The following PRRX1 variants were observed in gnomAD, a reference collection of about 807,000 sequenced individuals.
The protein encoded by PRRX1 is paired mesoderm homeobox protein 1.
Under a neutral mutation model 24.0 loss-of-function variants are expected in PRRX1, and 8 were observed. The ratio of observed to expected loss-of-function variants is 0.33; its 90% CI spans 0.20 to 0.60. The LOEUF is 0.60. PRRX1 is among the 20% of genes least tolerant of loss of function. The pLI, the probability that PRRX1 is intolerant of heterozygous loss-of-function variation, is 0.82. For synonymous variants in PRRX1, 160 were observed against 131.7 expected (o/e 1.22, Z -1.47); for missense variants, 281 against 322.4 (o/e 0.87, Z 0.98).
intron 1 of PRRX1, among the ~76,000 whole-genome samples, chr1:170,676,753 A>T (rs1653332345): frequency 1.3e-5 from 2 of 152,124 alleles, no homozygotes; most frequent in South Asian, 4.1e-4. Flanking sequence ...ATGATCTTTG[A>T]TGTCAACCAA....
intron 1 of PRRX1, among the ~76,000 whole-genome samples, chr1:170,678,974 G>T (rs180702625): frequency 8.0e-4 from 122 of 152,220 alleles, no homozygotes; most frequent in African/African-American, 2.8e-3. Flanking sequence ...AAATATCCCA[G>T]ATGATTTTTA....
chr1:170,667,636 T>C (rs529876358), intron 1 of PRRX1: 2 of 152,174 alleles, frequency 1.3e-5, no homozygotes, highest in East Asian at 1.9e-4. Flanking sequence ...CGGGAAAGGA[T>C]GGCTAGAGCA....
chr1:170,727,401 T>C (rs1157354126), intron 3 of PRRX1: 1 of 152,222 alleles, frequency 6.6e-6, no homozygotes, highest in African/African-American at 2.4e-5. Flanking sequence ...CCCTGGCTGA[T>C]TTCAGTGGAG....
intron 1 of PRRX1, among the ~76,000 whole-genome samples, chr1:170,716,809 T>A (rs2101915250): frequency 6.6e-6 from 1 of 152,312 alleles, no homozygotes; most frequent in African/African-American, 2.4e-5. Flanking sequence ...TCCCCTGTAT[T>A]CAACCAGAGC....
intron 2 of PRRX1, among the ~76,000 whole-genome samples, chr1:170,723,313 T>G (rs1168025786): frequency 6.6e-6 from 1 of 152,244 alleles, no homozygotes; most frequent in Non-Finnish European, 1.5e-5. Flanking sequence ...GCTGTACAAC[T>G]GCTCACTCCA....
In PRRX1 at chr1:170,664,451, A is replaced by G. The variant is rs970789095; in HGVS notation, c.233A>G (p.Gln78Arg). 6.2e-7 allele frequency: 1 copy of G among 1,602,256 alleles called. No individual in the cohort carries two copies. Among genetic ancestry groups the G allele is most frequent in the African/African-American group, 1.3e-5 (1 of 74,810 alleles). The change falls in exon 1 of 4, where the codon CAG becomes CGG. Residue 78 changes from glutamine to arginine, a missense_variant. By Grantham distance (43) the Gln-to-Arg change is conservative. Transcript: ENST00000239461. ...CTCACCAGCGGCAGCGACACCCCGCAGCAGGACAGTGAGTGAGGGGCGCAT... is the reference window on the plus strand; with the variant it reads ...CTCACCAGCGGCAGCGACACCCCGCGGCAGGACAGTGAGTGAGGGGCGCAT... ...PGLTSGSDTP[Q>R]QDNDQLNSEE...
intron 1 of PRRX1, among the ~76,000 whole-genome samples, chr1:170,682,007 G>A (rs1392572969): frequency 6.6e-6 from 1 of 152,114 alleles, no homozygotes; most frequent in African/African-American, 2.4e-5. Flanking sequence ...TTGTCCAAAT[G>A]CAATGTTTTA....
chr1:170,704,040 C>T (rs1200259514), intron 1 of PRRX1, among the ~76,000 whole-genome samples: 1 of 152,158 alleles, frequency 6.6e-6, no homozygotes, highest in African/African-American at 2.4e-5. Flanking sequence ...AACTTACCCA[C>T]TGACCATTTT....
chr1:170,720,761 A>C lies in PRRX1; in HGVS notation c.417+860A>C, dbSNP rs370424933. Reference sequence around the variant, plus strand: ...TTCCTTCAGTGTCTCTGTGAACTGAAAGAAGGTAAGAGCATGAAAGGCAGG... The same window carrying C: ...TTCCTTCAGTGTCTCTGTGAACTGACAGAAGGTAAGAGCATGAAAGGCAGG... On this transcript the variant is annotated intron_variant, in intron 2 of 3. Transcript: ENST00000239461. 1.5e-4 allele frequency among the ~76,000 whole-genome samples: 23 copies of C among 152,320 alleles called. No homozygotes were observed. The East Asian group carries it at 3.9e-3, about 26-fold the overall frequency.
At chr1:170,730,236 C>T (rs76156084) in intron 3 of PRRX1, 25,832 of 1,503,012 alleles carry the variant, frequency 0.017, 297 homozygotes, top group Non-Finnish European at 0.019. Context: ...ATCTGCTGAA[C>T]GCATTTGGCT....
intron 1 of PRRX1, among the ~76,000 whole-genome samples, chr1:170,705,254 C>T (rs1272596114): frequency 3.9e-5 from 6 of 152,164 alleles, no homozygotes; most frequent in Non-Finnish European, 1.5e-5. Flanking sequence ...ACCTTACATC[C>T]TCTGCCTTGG....
At chr1:170,665,803 C>A (rs1265487826) in intron 1 of PRRX1, among the ~76,000 whole-genome samples, 1 of 152,220 alleles carries the variant, frequency 6.6e-6, no homozygotes, top group Non-Finnish European at 1.5e-5. Flanking sequence ...CCTGGGCGCC[C>A]CTGGGTGTTT....
rs1652826626 is a variant in PRRX1, at chr1:170,664,173, G to A, written c.-46G>A. On this transcript the variant is annotated 5_prime_UTR_variant, in exon 1 of 4. Coordinates refer to ENST00000239461, the MANE Select transcript of PRRX1 (RefSeq NM_022716.4). Reference sequence around the variant, plus strand: ...CCTCGCGCCCACAGCGTTTGGTGTTGATTCGAGCGGGAAGAGGGGGGTGGG... The same window carrying A: ...CCTCGCGCCCACAGCGTTTGGTGTTAATTCGAGCGGGAAGAGGGGGGTGGG... 1 of 1,563,276 alleles carries A rather than the reference G, an allele frequency of 6.4e-7. No individual in the cohort carries two copies. The highest frequency in any genetic ancestry group is 1.2e-5 in the South Asian group (1 of 83,856).
intron 1 of PRRX1, among the ~76,000 whole-genome samples, chr1:170,672,972 G>T (rs917591653): frequency 6.6e-6 from 1 of 152,108 alleles, no homozygotes; most frequent in African/African-American, 2.4e-5. Flanking sequence ...AGGCCACAGA[G>T]GTCTCCTAAA....
At position 170,664,445 on chromosome 1, in the gene PRRX1, C is replaced by A. The variant is rs1372893101; in HGVS notation, c.227C>A (p.Thr76Asn). ...CCGGGACTCACCAGCGGCAGCGACA[C>A]CCCGCAGCAGGACAGTGAGTGAGGG... The part of the protein sequence containing the change: ...ESPGLTSGSD[T>N]PQQDNDQLNS... The change falls in exon 1 of 4, where the codon ACC becomes AAC. Residue 76 changes from threonine to asparagine, a missense_variant. By Grantham distance (65) the Thr-to-Asn change is moderately conservative. Transcript: ENST00000239461. 1 of 1,603,772 alleles carries A rather than the reference C, an allele frequency of 6.2e-7. No homozygotes were observed. Among genetic ancestry groups the A allele is most frequent in the South Asian group, 1.1e-5 (1 of 89,274 alleles).
chr1:170,704,524 G>A (rs370907690), intron 1 of PRRX1, among the ~76,000 whole-genome samples: 5 of 152,310 alleles, frequency 3.3e-5, no homozygotes, highest in African/African-American at 9.6e-5. Flanking sequence ...TGCAGTCATC[G>A]TATAGGCCTG....
At chr1:170,735,957 A>G in intron 3 of PRRX1, 91 bp from the exon 4 acceptor site, 1 of 1,554,784 alleles carries the variant, frequency 6.4e-7, no homozygotes, top group Non-Finnish European at 8.9e-7. Flanking sequence ...GCCTGCCCCC[A>G]TGCTGAGAGT....
At chr1:170,729,050 G>GTCT (rs1279586774) in intron 3 of PRRX1, 8 of 152,206 alleles carry the variant, frequency 5.3e-5, no homozygotes, top group Non-Finnish European at 1.0e-4. Context: ...CTGTCTTGCT[G>GTCT]TGCTTCCAAA....
At chr1:170,730,413 T>G (rs1356899112) in intron 3 of PRRX1, 1 of 1,365,474 alleles carries the variant, frequency 7.3e-7, no homozygotes, top group Non-Finnish European at 1.0e-6. Context: ...ATTCAGAGTG[T>G]TTAAGAAAGT....
Sources: allele counts gnomAD v4.1 joint callset (sites outside exome capture counted in the v4.1 genomes callset), GRCh38; gene constraint gnomAD v4.1.1; transcripts MANE v1.5; gene names NCBI Gene and HGNC (gene_info 2026-07-23, HGNC 2026-07-21).